FHIT: variants seen among roughly 807,000 people sequenced by gnomAD.
FHIT encodes fragile histidine triad diadenosine triphosphatase.
FHIT carries 19 observed loss-of-function variants against 17.9 expected under a neutral mutation model. The ratio of observed to expected loss-of-function variants is 1.06; its 90% CI spans 0.74 to 1.56. The LOEUF is 1.56. Ranked by LOEUF, FHIT falls within the 40% of genes most tolerant of loss-of-function variation. The probability of loss-of-function intolerance (pLI) is 0.00; values close to 1 mark genes in which losing one functional copy is unlikely to be tolerated. For synonymous variants in FHIT, 81 were observed against 69.7 expected, an observed-to-expected ratio of 1.16 and a Z score of -0.81; for missense variants, 248 against 189.2, an observed-to-expected ratio of 1.31 and a Z score of -1.82.
At chr3:60,604,536 T>C (rs2038547220) in intron 4 of FHIT, among the ~76,000 whole-genome samples, 1 of 152,180 alleles carries the variant, frequency 6.6e-6, no homozygotes, top group Non-Finnish European at 1.5e-5. Context: ...TGGGCTGAAA[T>C]AACATACTCA....
intron 3 of FHIT, among the ~76,000 whole-genome samples, chr3:61,031,855 C>T (rs578214605): frequency 1.0e-3 from 155 of 152,342 alleles, no homozygotes; most frequent in African/African-American, 3.5e-3. Flanking sequence ...CCACCACCAA[C>T]TGTGATCCAG....
At chr3:60,618,290 G>A (rs1553676782) in intron 4 of FHIT, among the ~76,000 whole-genome samples, 1 of 152,096 alleles carries the variant, frequency 6.6e-6, no homozygotes, top group Non-Finnish European at 1.5e-5. Flanking sequence ...TTTCCAGTTT[G>A]AATTACTCCA....
chr3:60,387,023 C>T (rs6771497), intron 5 of FHIT, among the ~76,000 whole-genome samples: 15 of 136,406 alleles, frequency 1.1e-4, no homozygotes, highest in Non-Finnish European at 1.9e-4. Flanking sequence ...TCTATTTATT[C>T]TTTTTTTTTT....
chr3:60,988,416 G>C (rs6792544), intron 3 of FHIT, among the ~76,000 whole-genome samples: 38,505 of 152,098 alleles, frequency 0.25, 6,389 homozygotes, highest in East Asian at 0.65. Flanking sequence ...CTAGTGGACA[G>C]GATGGATATT....
At chr3:60,076,065 G>A (rs968622965) in intron 5 of FHIT, among the ~76,000 whole-genome samples, 2 of 152,082 alleles carry the variant, frequency 1.3e-5, no homozygotes, top group African/African-American at 4.8e-5. Context: ...TGCCAGAGGA[G>A]CCTCAATAAT....
At chr3:60,043,097 T>C (rs2106841644) in intron 5 of FHIT, among the ~76,000 whole-genome samples, 1 of 152,308 alleles carries the variant, frequency 6.6e-6, no homozygotes, top group Middle Eastern at 3.4e-3. Flanking sequence ...AATCAAGCTG[T>C]GAAGGACTTT....
intron 8 of FHIT, among the ~76,000 whole-genome samples, chr3:59,878,267 A>T (rs1166913769): frequency 6.6e-6 from 1 of 152,248 alleles, no homozygotes; most frequent in African/African-American, 2.4e-5. Flanking sequence ...TTAAAAACCA[A>T]CTACACTTTG....
intron 5 of FHIT, among the ~76,000 whole-genome samples, chr3:60,379,401 TTAGA>T (rs10561160): frequency 0.063 from 9,628 of 152,142 alleles, 1,032 homozygotes; most frequent in African/African-American, 0.22. Context: ...ATCCTAATAC[TTAGA>T]TACTTAATGT....
intron 4 of FHIT, among the ~76,000 whole-genome samples, chr3:60,698,027 T>C (rs986835434): frequency 6.6e-6 from 1 of 152,176 alleles, no homozygotes; most frequent in Non-Finnish European, 1.5e-5. Context: ...TGTCTAACAA[T>C]GCTAACCACT....
intron 8 of FHIT, among the ~76,000 whole-genome samples, chr3:59,866,257 C>A (rs1330109793): frequency 6.6e-6 from 1 of 151,782 alleles, no homozygotes; most frequent in African/African-American, 2.4e-5. Context: ...CCAGGAAGAA[C>A]CATTCCACGC....
intron 4 of FHIT, among the ~76,000 whole-genome samples, chr3:60,712,720 G>C (rs564742780): frequency 0.017 from 2,589 of 149,192 alleles, 30 homozygotes; most frequent in Middle Eastern, 0.042. Context: ...TCAACAAGAA[G>C]AGCTAACTAT....
At chr3:60,609,169 T>C (rs1553672410) in intron 4 of FHIT, among the ~76,000 whole-genome samples, 1 of 151,980 alleles carries the variant, frequency 6.6e-6, no homozygotes, top group Non-Finnish European at 1.5e-5. Context: ...CAAAAGAAAA[T>C]AGCATTCCAC....
intron 3 of FHIT, among the ~76,000 whole-genome samples, chr3:60,999,583 T>C (rs779815470): frequency 6.6e-6 from 1 of 151,670 alleles, no homozygotes; most frequent in Non-Finnish European, 1.5e-5. Flanking sequence ...AAAGATAGAA[T>C]ATCTGCAAAG....
At chr3:59,922,575 T>C (rs1705461779) in intron 7 of FHIT, among the ~76,000 whole-genome samples, 161 bp from the exon 8 acceptor site, 1 of 152,216 alleles carries the variant, frequency 6.6e-6, no homozygotes, top group South Asian at 2.1e-4. Context: ...ACCTGAAATC[T>C]GCCGAGAAGA....
chr3:60,262,248 C>T (rs1443788914), intron 5 of FHIT, among the ~76,000 whole-genome samples: 1 of 152,086 alleles, frequency 6.6e-6, no homozygotes. Context: ...ACAAACATTG[C>T]TTTTAGATAA....
chr3:60,921,507 GC>G (rs1275149513), intron 3 of FHIT, among the ~76,000 whole-genome samples: 1 of 152,090 alleles, frequency 6.6e-6, no homozygotes, highest in Non-Finnish European at 1.5e-5. Context: ...GCCTTTGAAA[GC>G]TTGTGTAAAC....
intron 8 of FHIT, among the ~76,000 whole-genome samples, chr3:59,782,124 T>C (rs1156606306): frequency 6.6e-6 from 1 of 152,218 alleles, no homozygotes; most frequent in African/African-American, 2.4e-5. Context: ...ATCTACCAGA[T>C]CTGTCTGATT....
chr3:60,324,955 T>A (rs1709617190), intron 5 of FHIT, among the ~76,000 whole-genome samples: 1 of 152,146 alleles, frequency 6.6e-6, no homozygotes, highest in South Asian at 2.1e-4. Flanking sequence ...AGTAATTCAA[T>A]GATAATGAGC....
chr3:61,188,632 A>G (rs1384075482), intron 2 of FHIT, among the ~76,000 whole-genome samples: 2 of 152,180 alleles, frequency 1.3e-5, no homozygotes, highest in Non-Finnish European at 1.5e-5. Flanking sequence ...ACAACAAAAA[A>G]AGAGAATTTT....
Sources: allele counts gnomAD v4.1 joint callset (sites outside exome capture counted in the v4.1 genomes callset), GRCh38; gene constraint gnomAD v4.1.1; transcripts MANE v1.5; gene names NCBI Gene and HGNC (gene_info 2026-07-23, HGNC 2026-07-21).